PPP1R12A: variants seen among roughly 807,000 people sequenced by gnomAD.
PPP1R12A encodes the protein protein phosphatase 1 regulatory subunit 12A.
PPP1R12A carries 19 observed loss-of-function variants against 139.6 expected under a neutral mutation model. The observed-to-expected ratio is 0.14, with a 90% confidence interval of 0.09 to 0.20. PPP1R12A has a LOEUF of 0.20. Among genes scored for constraint, PPP1R12A ranks in the 10% least tolerant of loss-of-function variants. The pLI, the probability that PPP1R12A is intolerant of heterozygous loss-of-function variation, is 1.00. For synonymous variants in PPP1R12A, 427 were observed against 420.6 expected (o/e 1.02, Z -0.19); for missense variants, 925 against 1,211.5 (o/e 0.76, Z 3.51).
intron 9 of PPP1R12A, 99 bp from the exon 10 acceptor site, chr12:79,810,109 T>C: frequency 1.0e-6 from 1 of 972,060 alleles, no homozygotes; most frequent in Non-Finnish European, 1.5e-6. Context: ...ATATTTAAAA[T>C]TATGGTTTAC....
chr12:79,870,241 G>C (rs1336839750), intron 2 of PPP1R12A, among the ~76,000 whole-genome samples: 4 of 152,004 alleles, frequency 2.6e-5, no homozygotes, highest in Non-Finnish European at 5.9e-5. Flanking sequence ...TCCTGCCTTA[G>C]CCTCCAGAGT....
rs200011991 is a variant in PPP1R12A at position 79,832,804 on chromosome 12, AT to A, written c.488-314del. On this transcript the variant is annotated intron_variant, in intron 3 of 24. Transcript: ENST00000450142. ...AAGGTATAAGCATCCTTTGGGCTAA[AT>A]TTTTTTTTTAACAATTATAATGAAT... Among the ~76,000 whole-genome samples, 89 of 150,230 alleles carry A rather than the reference AT, an allele frequency of 5.9e-4. 1 individual carries two copies. The East Asian group carries it at 0.014, about 24-fold the overall frequency.
At chr12:79,877,656 C>T (rs1338680419) in intron 1 of PPP1R12A, among the ~76,000 whole-genome samples, 1 of 152,148 alleles carries the variant, frequency 6.6e-6, no homozygotes, top group East Asian at 1.9e-4. Flanking sequence ...GCTGGAACTA[C>T]AGGTGTGTGC....
intron 18 of PPP1R12A, 125 bp downstream of exon 18, chr12:79,795,513 A>C: frequency 9.4e-7 from 1 of 1,060,134 alleles, no homozygotes; most frequent in African/African-American, 1.6e-5. Flanking sequence ...CAACTCAGAA[A>C]ACACAGTGAT....
At chr12:79,880,463 T>A (rs765212569) in intron 1 of PPP1R12A, among the ~76,000 whole-genome samples, 1 of 152,126 alleles carries the variant, frequency 6.6e-6, no homozygotes, top group Non-Finnish European at 1.5e-5. Flanking sequence ...TGGTAAAAGA[T>A]CTGAATATAA....
At chr12:79,901,882 CT>C (rs1885673994) in intron 1 of PPP1R12A, among the ~76,000 whole-genome samples, 1 of 152,154 alleles carries the variant, frequency 6.6e-6, no homozygotes, top group African/African-American at 2.4e-5. Context: ...AAAACTTTCC[CT>C]GTTTCCCTTT....
chr12:79,820,963 G>C, intron 7 of PPP1R12A, 32 bp from the exon 8 acceptor site: 1 of 1,609,750 alleles, frequency 6.2e-7, no homozygotes. Context: ...CAAATGATTA[G>C]AAATACAAAA....
intron 1 of PPP1R12A, among the ~76,000 whole-genome samples, chr12:79,894,260 A>G (rs941890974): frequency 1.3e-5 from 2 of 152,220 alleles, no homozygotes; most frequent in Non-Finnish European, 2.9e-5. Context: ...AAGACAGACT[A>G]CCAACGCACA....
intron 1 of PPP1R12A, among the ~76,000 whole-genome samples, chr12:79,879,299 G>A (rs1214921159): frequency 6.6e-6 from 1 of 152,026 alleles, no homozygotes; most frequent in East Asian, 1.9e-4. Flanking sequence ...CCTGGGAGGC[G>A]GAGGTTGCAG....
chr12:79,867,930 CA>C lies in PPP1R12A; in HGVS notation c.368+4877del, dbSNP rs558648796. On this transcript the variant is annotated intron_variant, in intron 2 of 24. Transcript: ENST00000450142. ...GATTGTAAGTTTCCTGAGGCCTCCC[CA>C]GCCCTGTGGAACTGTGAGTCAATTA... 3.0e-3 allele frequency among the ~76,000 whole-genome samples: 454 copies of C among 152,264 alleles called. 1 individual carries two copies. Among genetic ancestry groups the C allele is most frequent in the Non-Finnish European group, 4.3e-3 (294 of 68,012 alleles).
At chr12:79,802,331 G>A (rs1873289166) in intron 14 of PPP1R12A, among the ~76,000 whole-genome samples, 2 of 152,104 alleles carry the variant, frequency 1.3e-5, no homozygotes, top group African/African-American at 4.8e-5. Context: ...AAGAACATCA[G>A]CCTGGAAAAT....
At chr12:79,906,955 C>A (rs1038569712) in intron 1 of PPP1R12A, among the ~76,000 whole-genome samples, 1 of 152,158 alleles carries the variant, frequency 6.6e-6, no homozygotes, top group Non-Finnish European at 1.5e-5. Flanking sequence ...CCACCGCATC[C>A]GGCCTACAAA....
intron 1 of PPP1R12A, among the ~76,000 whole-genome samples, chr12:79,898,545 C>A (rs1885340113): frequency 6.6e-6 from 1 of 152,178 alleles, no homozygotes; most frequent in Admixed American, 6.5e-5. Flanking sequence ...TTCATTCTTT[C>A]CACATAAGTT....
At chr12:79,810,201 A>G (rs914075360) in intron 9 of PPP1R12A, among the ~76,000 whole-genome samples, 191 bp from the exon 10 acceptor site, 3 of 152,192 alleles carry the variant, frequency 2.0e-5, no homozygotes, top group African/African-American at 7.2e-5. Context: ...AAAGAAATAG[A>G]CTACCTTCCT....
At chr12:79,791,328 A>G (rs895136523) in intron 19 of PPP1R12A, among the ~76,000 whole-genome samples, 3 of 152,140 alleles carry the variant, frequency 2.0e-5, no homozygotes, top group African/African-American at 7.2e-5. Context: ...GTTATCACTG[A>G]TTATTATTAC....
chr12:79,925,936 C>T (rs77857537), intron 1 of PPP1R12A, among the ~76,000 whole-genome samples: 2,062 of 151,926 alleles, frequency 0.014, 53 homozygotes, highest in African/African-American at 0.048. Context: ...CTTTTCTTTT[C>T]TCTTTATTGG....
intron 9 of PPP1R12A, among the ~76,000 whole-genome samples, chr12:79,813,523 C>T (rs958918049): frequency 9.9e-5 from 15 of 152,196 alleles, no homozygotes; most frequent in African/African-American, 3.6e-4. Context: ...CATAAAAATT[C>T]TGAATTTTTA....
intron 1 of PPP1R12A, among the ~76,000 whole-genome samples, chr12:79,874,432 C>A (rs1419166937): frequency 1.3e-5 from 2 of 151,896 alleles, no homozygotes; most frequent in African/African-American, 4.8e-5. Flanking sequence ...CAGTTTTAAA[C>A]TCTAAGACTG....
chr12:79,805,841 G>T, intron 13 of PPP1R12A, 73 bp from the exon 14 acceptor site: 1 of 1,430,776 alleles, frequency 7.0e-7, no homozygotes. Context: ...CTTTCTAGCA[G>T]CTGAAAACAC....
Sources: gnomAD v4.1 joint callset for allele counts (sites outside exome capture counted in the v4.1 genomes callset) on GRCh38, gnomAD v4.1.1 for gene constraint, MANE v1.5 for transcripts, NCBI Gene and HGNC (gene_info 2026-07-23, HGNC 2026-07-21) for gene names.